Variants in CHID1 observed in about 807,000 individuals in gnomAD.
CHID1 encodes the protein chitinase domain containing 1.
In CHID1, 44 loss-of-function variants were observed where a neutral mutation model predicts 55.4. The ratio of observed to expected loss-of-function variants is 0.79; its 90% CI spans 0.62 to 1.02. The LOEUF (loss-of-function observed/expected upper bound fraction) is 1.02. Ranked by LOEUF, CHID1 falls within the 50% of genes least tolerant of loss-of-function variation. The probability of loss-of-function intolerance (pLI) is 0.00; values close to 1 mark genes in which losing one functional copy is unlikely to be tolerated. For synonymous variants in CHID1, 216 were observed against 212.9 expected, an observed-to-expected ratio of 1.01 and a Z score of -0.13; for missense variants, 491 against 515.3, an observed-to-expected ratio of 0.95 and a Z score of 0.46.
In CHID1 at chr11:869,528, C is replaced by T; in HGVS notation, c.*330G>A. 1 of 432,264 alleles carries T rather than the reference C, an allele frequency of 2.3e-6. No homozygotes were observed. 26.8% of individuals were successfully genotyped at this position (432,264 alleles called of 1,614,324 possible). A position where few individuals can be genotyped will look rare whatever the true frequency, so the allele number is the denominator to read the frequency against. ...CAGAGCTTCCAAACCCACATCCAGC[C>T]CAGGATGTGAGAAGCAGCCCAGAAA... On this transcript the variant is annotated 3_prime_UTR_variant, in exon 13 of 13. Coordinates refer to ENST00000323578, the MANE Select transcript of CHID1 (RefSeq NM_023947.4).
At chr11:910,517 C>T in intron 1 of CHID1, 2 of 864,306 alleles carry the variant, frequency 2.3e-6, no homozygotes, top group Non-Finnish European at 3.0e-6. Flanking sequence ...CCGACACGCG[C>T]CCCCGTCCAC....
intron 6 of CHID1, 43 bp from the exon 7 acceptor site, chr11:899,444 G>C: frequency 1.9e-6 from 3 of 1,549,918 alleles, no homozygotes; most frequent in Non-Finnish European, 2.6e-6. Flanking sequence ...GGAGGCCCAG[G>C]AGGGATGGGT....
At chr11:910,937 TCGGGGCCGGGGCCGGGGC>T (rs1241404096), upstream of CHID1, 26 of 592,356 alleles carry the variant, frequency 4.4e-5, no homozygotes, top group Admixed American at 6.4e-5. Context: ...TGCCCGAAAG[TCGGGGCCGGGGCCGGGGC>T]CGGGGCCGGG....
intron 10 of CHID1, among the ~76,000 whole-genome samples, chr11:872,779 G>T (rs1849261073): frequency 6.6e-6 from 1 of 152,226 alleles, no homozygotes; most frequent in African/African-American, 2.4e-5. Context: ...GATGTGCAGG[G>T]TCGTGGGCAG....
chr11:889,132 G>C (rs1850619557), intron 8 of CHID1, among the ~76,000 whole-genome samples: 1 of 152,156 alleles, frequency 6.6e-6, no homozygotes, highest in Admixed American at 6.5e-5. Flanking sequence ...ACAGCTGCCA[G>C]AGGCCGGGGC....
chr11:879,669 T>C (rs1849756887), intron 10 of CHID1, among the ~76,000 whole-genome samples: 1 of 152,228 alleles, frequency 6.6e-6, no homozygotes, highest in African/African-American at 2.4e-5. Context: ...TATGGTACTT[T>C]GTTACCCTTG....
intron 1 of CHID1, among the ~76,000 whole-genome samples, chr11:907,468 G>A (rs552473786): frequency 1.1e-4 from 17 of 151,494 alleles, no homozygotes; most frequent in Non-Finnish European, 2.4e-4. Context: ...GCGACGGTGC[G>A]AGACTGTCTT....
intron 8 of CHID1, among the ~76,000 whole-genome samples, chr11:892,559 T>C (rs1850923124): frequency 1.3e-5 from 2 of 152,192 alleles, no homozygotes; most frequent in South Asian, 2.1e-4. Flanking sequence ...CAACAGGAAC[T>C]AGCAACTGCG....
chr11:893,796 G>A (rs533662470), intron 7 of CHID1, among the ~76,000 whole-genome samples: 23 of 151,942 alleles, frequency 1.5e-4, no homozygotes, highest in African/African-American at 5.3e-4. Context: ...ACAGCCCCAC[G>A]TGTGTACATC....
intron 10 of CHID1, chr11:870,901 G>A: frequency 4.9e-6 from 1 of 204,708 alleles, no homozygotes; most frequent in Non-Finnish European, 1.0e-5. Flanking sequence ...TGGCCCCGCT[G>A]CTGGCCCTGG....
At chr11:911,672 A>C (rs1046710746), upstream of CHID1, among the ~76,000 whole-genome samples, 45 of 151,926 alleles carry the variant, frequency 3.0e-4, no homozygotes, top group African/African-American at 1.1e-3. Flanking sequence ...CTTTCTAGTC[A>C]CGTTTCCTTC....
intron 4 of CHID1, 139 bp from the exon 5 acceptor site, chr11:901,119 C>A (rs1851778535): frequency 3.0e-6 from 2 of 671,442 alleles, no homozygotes; most frequent in Non-Finnish European, 4.9e-6. Context: ...TGAGAACCCA[C>A]CCCTCCCTGG....
At chr11:904,267 G>C (rs1309752341) in intron 2 of CHID1, among the ~76,000 whole-genome samples, 1 of 152,244 alleles carries the variant, frequency 6.6e-6, no homozygotes, top group African/African-American at 2.4e-5. Context: ...TGCTGGGGCT[G>C]AGAGGTGGTT....
At chr11:893,739 T>C (rs1386012225) in intron 7 of CHID1, among the ~76,000 whole-genome samples, 1 of 151,892 alleles carries the variant, frequency 6.6e-6, no homozygotes, top group Non-Finnish European at 1.5e-5. Flanking sequence ...TGGGGGCCTG[T>C]GCAGTACCCC....
chr11:870,488 G>A lies in CHID1; in HGVS notation c.971C>T (p.Thr324Ile), dbSNP rs1441106376. 1 of 1,610,134 alleles carries A rather than the reference G, an allele frequency of 6.2e-7. No individual in the cohort carries two copies. The highest frequency in any genetic ancestry group is 8.5e-7 in the Non-Finnish European group (1 of 1,178,342). The change falls in exon 11 of 13, where the codon ACA (threonine) becomes ATA (isoleucine). Residue 324 changes from threonine to isoleucine, a missense_variant. Transcript: ENST00000323578. ...EPVVGARYIQ[T>I]LKDHRPRMVW... ...CATCCGGGGCCTGTGGTCCTTCAGT[G>A]TCTGGATGTACCTGGGGAGACCAGG...
At chr11:902,176 G>A in intron 4 of CHID1, 22 bp downstream of exon 4, 2 of 1,612,980 alleles carry the variant, frequency 1.2e-6, no homozygotes, top group African/African-American at 1.3e-5. Context: ...GGCAAGCACA[G>A]TCAAGCAGGA....
intron 1 of CHID1, 52 bp from the exon 2 acceptor site, chr11:904,911 TG>T (rs1852098271): frequency 1.3e-6 from 2 of 1,587,294 alleles, no homozygotes; most frequent in South Asian, 2.2e-5. Context: ...ATGCAGCACA[TG>T]GGCAACCCCT....
At chr11:909,913 A>G (rs1241310438) in intron 1 of CHID1, among the ~76,000 whole-genome samples, 1 of 152,150 alleles carries the variant, frequency 6.6e-6, no homozygotes, top group African/African-American at 2.4e-5. Context: ...TACAAAAATT[A>G]GCTGGGTGCA....
chr11:900,939 T>A lies in CHID1; in HGVS notation c.436A>T (p.Ile146Leu). 1 of 1,601,806 alleles carries A rather than the reference T, an allele frequency of 6.2e-7. No individual in the cohort carries two copies. The highest frequency in any genetic ancestry group is 8.5e-7 in the Non-Finnish European group (1 of 1,174,850). ...ACTCCTGGCCTGCCGCACTTACCTA[T>A]GTGCAGGCCCTTGGCATGCTTCCTG... ...AVRKHAKGLH[I>L]VPRLLFEDWT... The change falls in exon 5 of 13, where the codon ATA becomes TTA. Residue 146 changes from isoleucine to leucine, a missense_variant. Transcript: ENST00000323578.
Sources: allele counts gnomAD v4.1 joint callset (sites outside exome capture counted in the v4.1 genomes callset), GRCh38; gene constraint gnomAD v4.1.1; transcripts MANE v1.5; gene names NCBI Gene and HGNC (gene_info 2026-07-23, HGNC 2026-07-21).